Variants in GOT2 observed in about 807,000 individuals in gnomAD.
GOT2 encodes glutamic-oxaloacetic transaminase 2.
In GOT2, 17 loss-of-function variants were observed where a neutral mutation model predicts 50.0. The ratio of observed to expected loss-of-function variants is 0.34; its 90% CI spans 0.23 to 0.51. The LOEUF (loss-of-function observed/expected upper bound fraction) is 0.51, where lower values mean the gene tolerates loss of function less well. Among genes scored for constraint, GOT2 ranks in the 20% least tolerant of loss-of-function variants. GOT2 has a pLI of 0.97. For synonymous variants in GOT2, 172 were observed against 204.9 expected, an observed-to-expected ratio of 0.84 and a Z score of 1.37; for missense variants, 430 against 559.6, an observed-to-expected ratio of 0.77 and a Z score of 2.34.
chr16:58,720,103 G>A (rs1005185671), intron 3 of GOT2, among the ~76,000 whole-genome samples: 1 of 152,214 alleles, frequency 6.6e-6, no homozygotes, highest in African/African-American at 2.4e-5. Flanking sequence ...CAGGAAGGCT[G>A]AGGCGGGAGA....
Position 58,707,285 on chromosome 16 carries a change from C to A in GOT2, c.*886G>T, listed in dbSNP as rs1329168877. The A allele has an allele frequency of 6.6e-6, 1 of 152,156 alleles. No individual in the cohort carries two copies. Among genetic ancestry groups the A allele is most frequent in the Non-Finnish European group, 1.5e-5 (1 of 68,054 alleles). The allele number at this position is 152,156 out of a possible 1,614,324, so 9.4% of individuals were successfully genotyped here. ...TCCTCTTTCCTGGTACCACCCTGCG[C>A]CGCTGGACTCACAGTGTGAGATGAG... is the stretch of plus-strand genomic sequence containing the variant. On this transcript the variant is annotated 3_prime_UTR_variant, in exon 10 of 10. Coordinates refer to ENST00000245206, the MANE Select transcript of GOT2 (RefSeq NM_002080.4).
rs142747599 is a variant in GOT2, at chr16:58,709,278, AAAAACAAAACAAAAC to A, written c.1170+124_1170+138del. 26 of 661,860 alleles carry A rather than the reference AAAAACAAAACAAAAC, an allele frequency of 3.9e-5. 1 individual carries two copies. Among genetic ancestry groups the A allele is most frequent in the Middle Eastern group, 9.2e-4 (2 of 2,164 alleles). 41.0% of individuals were successfully genotyped at this position (661,860 alleles called of 1,614,324 possible). On this transcript the variant is annotated intron_variant, in intron 9 of 9. Transcript: ENST00000245206. Reference sequence around the variant, plus strand: ...ACTGTCTCAAAACAAAAACAAAAACAAAAACAAAACAAAACAAAACAAAACAAAACAAAAAACCCG... The same window carrying A: ...ACTGTCTCAAAACAAAAACAAAAACAAAAACAAAACAAAACAAAAAACCCG...
At chr16:58,722,956 A>C (rs911798017) in intron 2 of GOT2, among the ~76,000 whole-genome samples, 1 of 152,234 alleles carries the variant, frequency 6.6e-6, no homozygotes, top group Non-Finnish European at 1.5e-5. Context: ...TGCCAGTCTA[A>C]GAACTTCGAA....
chr16:58,715,847 C>T (rs2044687890), intron 8 of GOT2, among the ~76,000 whole-genome samples, 167 bp downstream of exon 8: 3 of 152,160 alleles, frequency 2.0e-5, no homozygotes, highest in Non-Finnish European at 2.9e-5. Flanking sequence ...CCACTGTGCC[C>T]GGCCTTAATT....
chr16:58,716,963 C>G (rs969058754), intron 6 of GOT2, 150 bp from the exon 7 acceptor site: 5 of 656,204 alleles, frequency 7.6e-6, no homozygotes, highest in Non-Finnish European at 1.0e-5. Context: ...CTGGAAGACT[C>G]AACTTATACC....
chr16:58,729,227 C>T (rs181471956), intron 1 of GOT2, among the ~76,000 whole-genome samples: 3 of 142,388 alleles, frequency 2.1e-5, no homozygotes, highest in African/African-American at 8.1e-5. Flanking sequence ...TATTACTTAT[C>T]CACAATTCAG....
rs1375236689 is a variant in GOT2 at position 58,715,243 on chromosome 16, AC to A, written c.1019+770del. On this transcript the variant is annotated intron_variant, in intron 8 of 9. Coordinates refer to ENST00000245206, the MANE Select transcript of GOT2 (RefSeq NM_002080.4). Reference sequence around the variant, plus strand: ...AATGCTAGCAATTATTAGGACACAAACAAAAATATGATGTTTTTAAGGAAGT... The same window carrying A: ...AATGCTAGCAATTATTAGGACACAAAAAAAATATGATGTTTTTAAGGAAGT... Among the ~76,000 whole-genome samples, 12 of 152,248 alleles carry A rather than the reference AC, an allele frequency of 7.9e-5. No homozygotes were observed. In the East Asian group the frequency reaches 1.9e-3, roughly 25 times the overall value.
At chr16:58,724,032 C>T (rs916318222) in intron 1 of GOT2, 130 bp from the exon 2 acceptor site, 23 of 687,060 alleles carry the variant, frequency 3.3e-5, no homozygotes, top group Non-Finnish European at 5.3e-5. Context: ...TGGCTCACTG[C>T]AGCGTTTGCC....
intron 9 of GOT2, 137 bp from the exon 10 acceptor site, chr16:58,708,430 A>C (rs2044620529): frequency 1.3e-6 from 1 of 798,756 alleles, no homozygotes; most frequent in Non-Finnish European, 1.9e-6. Flanking sequence ...GTTAGCTTGG[A>C]ATAAAATAAG....
intron 1 of GOT2, among the ~76,000 whole-genome samples, chr16:58,727,197 G>A (rs946318739): frequency 6.6e-6 from 1 of 152,030 alleles, no homozygotes; most frequent in African/African-American, 2.4e-5. Context: ...CCGTCCCCCA[G>A]GCTGAAGTGC....
At chr16:58,732,906 G>C (rs2044847139) in intron 1 of GOT2, among the ~76,000 whole-genome samples, 1 of 152,186 alleles carries the variant, frequency 6.6e-6, no homozygotes, top group South Asian at 2.1e-4. Context: ...CAGACTTAAA[G>C]AGCACACGTT....
chr16:58,717,417 T>C (rs1266018861), intron 6 of GOT2, among the ~76,000 whole-genome samples: 2 of 150,652 alleles, frequency 1.3e-5, no homozygotes, highest in Non-Finnish European at 3.0e-5. Context: ...GAAAGGGAAA[T>C]GAAAAGGAGT....
chr16:58,707,773 A>G lies in GOT2; in HGVS notation c.*398T>C, dbSNP rs887762220. Reference sequence around the variant, plus strand: ...AGGACAGACACGAGGCCGACTACTCATGACAGAACTAGGCCTTCTCTCAAA... The same window carrying G: ...AGGACAGACACGAGGCCGACTACTCGTGACAGAACTAGGCCTTCTCTCAAA... On this transcript the variant is annotated 3_prime_UTR_variant, in exon 10 of 10. Coordinates refer to ENST00000245206, the MANE Select transcript of GOT2 (RefSeq NM_002080.4). 1.2e-4 allele frequency: 19 copies of G among 154,372 alleles called. No individual in the cohort carries two copies. Among genetic ancestry groups the G allele is most frequent in the Non-Finnish European group, 2.6e-4 (18 of 69,366 alleles). 9.6% of individuals were successfully genotyped at this position (154,372 alleles called of 1,614,324 possible). A position where few individuals can be genotyped will look rare whatever the true frequency, so the allele number is the denominator to read the frequency against.
chr16:58,716,171 C>T lies in GOT2; in HGVS notation c.862G>A (p.Val288Ile), dbSNP rs1284876513. 6.2e-7 allele frequency: 1 copy of T among 1,613,296 alleles called. No individual in the cohort carries two copies. Among genetic ancestry groups the T allele is most frequent in the East Asian group, 2.2e-5 (1 of 44,866 alleles). ...TTGCAGACCATAGTGAAGGCTCCTACACGCTCACCTGAAAGACAAAAATGG... is the reference window on the plus strand; with the variant it reads ...TTGCAGACCATAGTGAAGGCTCCTATACGCTCACCTGAAAGACAAAAATGG... Reference protein sequence around the residue: ...AKNMGLYGERVGAFTMVCKDA... With the variant: ...AKNMGLYGERIGAFTMVCKDA... The change falls in exon 8 of 10, where the codon GTA becomes ATA. Residue 288 changes from valine to isoleucine, a missense_variant. Transcript: ENST00000245206.
intron 5 of GOT2, 56 bp from the exon 6 acceptor site, chr16:58,718,356 C>T: frequency 1.4e-6 from 2 of 1,457,686 alleles, no homozygotes; most frequent in Non-Finnish European, 1.9e-6. Flanking sequence ...AATGGTTTAT[C>T]TGAAATGCCA....
At chr16:58,730,256 T>G (rs940410989) in intron 1 of GOT2, among the ~76,000 whole-genome samples, 26 of 152,130 alleles carry the variant, frequency 1.7e-4, no homozygotes, top group Non-Finnish European at 4.4e-5. Flanking sequence ...CCTGGGGGTT[T>G]GGTGTACAGA....
rs759734038 is a variant in GOT2, at chr16:58,723,755, G to A, written c.237C>T (p.Ser79=). 7 of 1,612,032 alleles carry A rather than the reference G, an allele frequency of 4.3e-6. No homozygotes were observed. The highest frequency in any genetic ancestry group is 1.7e-4 in the Middle Eastern group (1 of 6,056). Residue 79 remains serine, a synonymous_variant, in exon 2 of 10, where the codon AGC becomes AGT. Coordinates refer to ENST00000245206, the MANE Select transcript of GOT2 (RefSeq NM_002080.4). ...TGAACAGCAAGCTCACCTTGCGGAC[G>A]CTAGGCAGAACGTAAGGCTTTCCAT... ...DDNGKPYVLP[S]VRKAEAQIAA...
intron 1 of GOT2, among the ~76,000 whole-genome samples, chr16:58,731,498 G>A: frequency 6.6e-6 from 1 of 152,188 alleles, no homozygotes; most frequent in Non-Finnish European, 1.5e-5. Flanking sequence ...CATTTTTAAA[G>A]TCTCACGAGA....
rs775538232 is a variant in GOT2, at chr16:58,734,143, G to A, written c.86C>T (p.Ala29Val). Residue 29 changes from alanine (A) to valine (V), a missense_variant, in exon 1 of 10, where the codon GCC (alanine) becomes GTC (valine). Ala to Val is a moderately conservative substitution (Grantham distance 64). Coordinates refer to ENST00000245206, the MANE Select transcript of GOT2 (RefSeq NM_002080.4). ...ATCTCCGTTTCCCTTGGCTTACCTG[G>A]CTCTGGCAGAGGCCGCGGCGGCGAG... ...PGLAAAASAR[A>V]SSWWTHVEMG... The A allele has an allele frequency of 2.3e-6, 3 of 1,328,482 alleles. No homozygotes were observed. Among genetic ancestry groups the A allele is most frequent in the East Asian group, 2.8e-5 (1 of 35,948 alleles). 82.3% of individuals were successfully genotyped at this position (1,328,482 alleles called of 1,614,324 possible).
Sources: gnomAD v4.1 joint callset for allele counts (sites outside exome capture counted in the v4.1 genomes callset) on GRCh38, gnomAD v4.1.1 for gene constraint, MANE v1.5 for transcripts, NCBI Gene and HGNC (gene_info 2026-07-23, HGNC 2026-07-21) for gene names.